The following GMDS variants were observed in gnomAD, a reference collection of about 807,000 sequenced individuals.
GMDS encodes the protein GDP-mannose 4,6-dehydratase, also known as GDP-mannose 4,6 dehydratase.
A neutral mutation model predicts 49.9 loss-of-function variants in GMDS; 20 were observed. The ratio of observed to expected loss-of-function variants is 0.40; its 90% CI spans 0.28 to 0.58. The LOEUF (loss-of-function observed/expected upper bound fraction) is 0.58, where lower values mean the gene tolerates loss of function less well. Ranked by LOEUF, GMDS falls within the 20% of genes least tolerant of loss-of-function variation. The pLI is 0.42. For missense variants in GMDS, 362 were observed against 481.4 expected (o/e 0.75, Z 2.32); for synonymous variants, 177 against 178.6 (o/e 0.99, Z 0.07).
At chr6:2,205,473 G>A (rs375030318) in intron 1 of GMDS, among the ~76,000 whole-genome samples, 1 of 152,136 alleles carries the variant, frequency 6.6e-6, no homozygotes, top group Non-Finnish European at 1.5e-5. Flanking sequence ...TTCTTCCAGC[G>A]TGGCCCTCTG....
chr6:1,993,657 C>T (rs1160635473), intron 4 of GMDS, among the ~76,000 whole-genome samples: 1 of 151,610 alleles, frequency 6.6e-6, no homozygotes, highest in African/African-American at 2.4e-5. Flanking sequence ...TCACAAAGCT[C>T]TATTTTATAA....
intron 7 of GMDS, among the ~76,000 whole-genome samples, chr6:1,880,450 T>C (rs1581297796): frequency 6.6e-6 from 1 of 152,186 alleles, no homozygotes; most frequent in African/African-American, 2.4e-5. Flanking sequence ...CAGCAAGATT[T>C]TGTCTCTAAA....
At chr6:1,765,389 A>C (rs1768311034) in intron 7 of GMDS, among the ~76,000 whole-genome samples, 2 of 152,210 alleles carry the variant, frequency 1.3e-5, no homozygotes, top group Admixed American at 6.5e-5. Context: ...ACAACCCATT[A>C]ACAAGCACTG....
At chr6:1,871,413 T>A (rs1758745440) in intron 7 of GMDS, among the ~76,000 whole-genome samples, 1 of 152,204 alleles carries the variant, frequency 6.6e-6, no homozygotes, top group South Asian at 2.1e-4. Flanking sequence ...ATTTTAAAAA[T>A]TGCTGTAAAA....
intron 7 of GMDS, among the ~76,000 whole-genome samples, chr6:1,831,913 A>C (rs745525481): frequency 6.6e-6 from 1 of 152,170 alleles, no homozygotes; most frequent in Non-Finnish European, 1.5e-5. Context: ...TAAATACATA[A>C]TTCCAAGGAA....
Position 1,955,971 on chromosome 6 carries a change from C to T in GMDS, c.643+3896G>A, listed in dbSNP as rs919315092. Among the ~76,000 whole-genome samples the T allele has an allele frequency of 1.2e-4, 19 of 152,146 alleles. 1 individual carries two copies. The highest frequency in any genetic ancestry group is 1.1e-3 in the Admixed American group (17 of 15,264). ...CTAGCTTTCCTTTAGAGCACTTGGT[C>T]ATAGTGCTTGATCCTTTGGAGCACT... On this transcript the variant is annotated intron_variant, in intron 6 of 10. Transcript: ENST00000380815.
intron 4 of GMDS, among the ~76,000 whole-genome samples, chr6:2,013,601 G>A (rs1767696676): frequency 6.6e-6 from 1 of 152,004 alleles, no homozygotes; most frequent in South Asian, 2.1e-4. Flanking sequence ...AAGAAAAGAG[G>A]TGGGAAAAAG....
rs542401783 is a variant in GMDS, at chr6:2,034,575, C to T, written c.346-73609G>A. On this transcript the variant is annotated intron_variant, in intron 4 of 10. Coordinates refer to ENST00000380815, the MANE Select transcript of GMDS (RefSeq NM_001500.4). ...GGTATGTGGATTTTAATGTCAACAACGCTGTTATTAAAAAACGTAACATTC... is the reference window on the plus strand; with the variant it reads ...GGTATGTGGATTTTAATGTCAACAATGCTGTTATTAAAAAACGTAACATTC... 9.9e-5 allele frequency among the ~76,000 whole-genome samples: 15 copies of T among 152,240 alleles called. 1 individual carries two copies. In the South Asian group the frequency reaches 2.3e-3, roughly 23 times the overall value.
intron 8 of GMDS, 141 bp downstream of exon 8, chr6:1,742,327 G>T (rs754105500): frequency 1.5e-5 from 9 of 593,984 alleles, no homozygotes; most frequent in South Asian, 1.4e-4. Context: ...GCAGAGCAAA[G>T]GCCCCACTCT....
chr6:1,933,346 G>A (rs1762382576), intron 6 of GMDS, among the ~76,000 whole-genome samples: 1 of 152,192 alleles, frequency 6.6e-6, no homozygotes, highest in African/African-American at 2.4e-5. Flanking sequence ...GAGCGTTCAT[G>A]CCTTTTTGTG....
chr6:2,053,607 A>C (rs889079289), intron 4 of GMDS, among the ~76,000 whole-genome samples: 2 of 152,110 alleles, frequency 1.3e-5, no homozygotes, highest in African/African-American at 2.4e-5. Flanking sequence ...TTTGCATCAT[A>C]ATAGTTCAAA....
chr6:2,065,489 T>G (rs1771513496), intron 4 of GMDS, among the ~76,000 whole-genome samples: 1 of 152,014 alleles, frequency 6.6e-6, no homozygotes, highest in East Asian at 1.9e-4. Flanking sequence ...AAGAGGACAT[T>G]CAAACCAAAG....
intron 1 of GMDS, among the ~76,000 whole-genome samples, chr6:2,159,477 A>G (rs1309110402): frequency 1.3e-5 from 2 of 148,846 alleles, no homozygotes; most frequent in African/African-American, 2.5e-5. Flanking sequence ...CATTCATGGC[A>G]TACCTTTTTC....
intron 1 of GMDS, among the ~76,000 whole-genome samples, chr6:2,144,066 C>T (rs1326594779): frequency 6.6e-6 from 1 of 152,212 alleles, no homozygotes; most frequent in East Asian, 1.9e-4. Flanking sequence ...ATATTTACCA[C>T]AGGCAGCACT....
chr6:1,740,199 G>T (rs1220638510), intron 8 of GMDS, among the ~76,000 whole-genome samples: 1 of 152,052 alleles, frequency 6.6e-6, no homozygotes, highest in African/African-American at 2.4e-5. Flanking sequence ...ATGTTAGAGA[G>T]TTATTAAAAA....
At chr6:2,215,246 A>C (rs1780271177) in intron 1 of GMDS, among the ~76,000 whole-genome samples, 1 of 152,130 alleles carries the variant, frequency 6.6e-6, no homozygotes, top group Non-Finnish European at 1.5e-5. Context: ...CACAGAGAAA[A>C]AGAGACAGAG....
At position 1,999,939 on chromosome 6, in the gene GMDS, T is replaced by A. The variant is rs1428831826; in HGVS notation, c.346-38973A>T. ...TATATACATATTATATATTATTATA[T>A]ATAATATATAATATGTATATTATAT... On this transcript the variant is annotated intron_variant, in intron 4 of 10. Transcript: ENST00000380815. Among the ~76,000 whole-genome samples, 83 of 64,724 alleles carry A rather than the reference T, an allele frequency of 1.3e-3. 2 individuals are homozygous for A. The Admixed American group carries it at 0.019, about 15-fold the overall frequency. The allele number at this position is 64,724 out of a possible 152,430, so 42.5% of individuals were successfully genotyped here.
At chr6:1,667,699 T>C (rs533168027) in intron 9 of GMDS, among the ~76,000 whole-genome samples, 8 of 151,878 alleles carry the variant, frequency 5.3e-5, no homozygotes, top group Non-Finnish European at 1.0e-4. Flanking sequence ...TTTGTATTTT[T>C]TTTTCTTTTT....
chr6:2,006,363 C>A (rs1393632528), intron 4 of GMDS, among the ~76,000 whole-genome samples: 1 of 151,916 alleles, frequency 6.6e-6, no homozygotes, highest in African/African-American at 2.4e-5. Flanking sequence ...AGGATATTGA[C>A]GTTGCAGTGA....
Sources: allele counts gnomAD v4.1 joint callset (sites outside exome capture counted in the v4.1 genomes callset), GRCh38; gene constraint gnomAD v4.1.1; transcripts MANE v1.5; gene names NCBI Gene and HGNC (gene_info 2026-07-23, HGNC 2026-07-21).